APAF1: variants seen among roughly 807,000 people sequenced by gnomAD.
The protein encoded by APAF1 is apoptotic protease-activating factor 1.
APAF1 carries 91 observed loss-of-function variants against 152.4 expected under a neutral mutation model. The observed-to-expected ratio is 0.60, with a 90% confidence interval of 0.50 to 0.71. APAF1 has a LOEUF of 0.71. APAF1 is among the 30% of genes least tolerant of loss of function. APAF1 has a pLI of 0.00. For missense variants in APAF1, 1,283 were observed against 1,472.0 expected (o/e 0.87, Z 2.10); for synonymous variants, 484 against 494.1 (o/e 0.98, Z 0.27).
At chr12:98,680,483 A>G in intron 14 of APAF1, 81 bp downstream of exon 14, 1 of 1,391,510 alleles carries the variant, frequency 7.2e-7, no homozygotes, top group Admixed American at 1.8e-5. Context: ...CAGAGTAAGT[A>G]GAGTTAAAGG....
intron 12 of APAF1, 116 bp from the exon 13 acceptor site, chr12:98,677,308 AT>A (rs2097687649): frequency 9.3e-7 from 1 of 1,069,718 alleles, no homozygotes; most frequent in African/African-American, 1.6e-5. Flanking sequence ...GATTTTAAGA[AT>A]TTTGTATTTT....
At chr12:98,664,497 A>T (rs113100940) in intron 7 of APAF1, among the ~76,000 whole-genome samples, 1 of 151,960 alleles carries the variant, frequency 6.6e-6, no homozygotes, top group African/African-American at 2.4e-5. Context: ...TAGAACAAAG[A>T]TTTAAAAAGT....
rs530149610 is a variant in APAF1 at position 98,724,036 on chromosome 12, T to C, written c.3330+272T>C. ...TGCATATTGTAGGCAATAAAAATCA[T>C]TGAAAAGCATTTACATTTAATTATA... On this transcript the variant is annotated intron_variant, in intron 24 of 26. Coordinates refer to ENST00000551964, the MANE Select transcript of APAF1 (RefSeq NM_181861.2). Among the ~76,000 whole-genome samples, 6 of 152,360 alleles carry C rather than the reference T, an allele frequency of 3.9e-5. No individual in the cohort carries two copies. In the South Asian group the frequency reaches 1.2e-3, roughly 32 times the overall value.
chr12:98,717,111 G>A (rs945800278), intron 22 of APAF1, among the ~76,000 whole-genome samples: 2 of 151,498 alleles, frequency 1.3e-5, no homozygotes, highest in Admixed American at 6.6e-5. Flanking sequence ...CTTGTGATCC[G>A]CCCGCCTCGG....
intron 16 of APAF1, among the ~76,000 whole-genome samples, chr12:98,694,214 G>A (rs2097707385): frequency 6.6e-6 from 1 of 152,122 alleles, no homozygotes; most frequent in Non-Finnish European, 1.5e-5. Context: ...ATCAGTCTTG[G>A]CAAATAATTT....
rs745664662 is a variant in APAF1, at chr12:98,715,508, G to A, written c.3040G>A (p.Asp1014Asn). ...KTVWHIQFTA[D>N]EKTLISSSDD... ...TGTATGGCACATCCAGTTCACAGCCGATGAGAAGACTCTTATTTCAAGTTC... is the reference window on the plus strand; with the variant it reads ...TGTATGGCACATCCAGTTCACAGCCAATGAGAAGACTCTTATTTCAAGTTC... Residue 1014 changes from aspartate (D) to asparagine (N), a missense_variant, in exon 22 of 27, where the codon GAT becomes AAT. Asp to Asn is a conservative substitution (Grantham distance 23). Transcript: ENST00000551964. 1.2e-5 allele frequency: 19 copies of A among 1,613,448 alleles called. 1 individual carries two copies. The highest frequency in any genetic ancestry group is 1.6e-4 in the Middle Eastern group (1 of 6,082).
intron 4 of APAF1, among the ~76,000 whole-genome samples, chr12:98,653,633 G>A (rs1349584169): frequency 8.5e-5 from 10 of 117,030 alleles, no homozygotes; most frequent in African/African-American, 3.4e-4. Flanking sequence ...CTCCATCCTG[G>A]GTGACAGAGT....
At chr12:98,694,011 A>C (rs561958857) in intron 16 of APAF1, among the ~76,000 whole-genome samples, 1 of 152,300 alleles carries the variant, frequency 6.6e-6, no homozygotes, top group African/African-American at 2.4e-5. Flanking sequence ...AACAAGGCCA[A>C]CAAAAGCAAT....
chr12:98,652,199 C>T lies in APAF1; in HGVS notation c.526+2515C>T, dbSNP rs141494029. On this transcript the variant is annotated intron_variant, in intron 4 of 26. Transcript: ENST00000551964. The stretch of plus-strand genomic sequence containing the variant: ...AACTCCTGGGCTCAAGTGATGCTCC[C>T]GCCTTGGCCTCCCAAAGTGCTGGGG... 1.9e-3 allele frequency among the ~76,000 whole-genome samples: 288 copies of T among 152,220 alleles called. 1 individual carries two copies. The highest frequency in any genetic ancestry group is 6.5e-3 in the African/African-American group (272 of 41,534).
chr12:98,708,492 G>A, intron 19 of APAF1, 93 bp from the exon 20 acceptor site: 1 of 1,275,204 alleles, frequency 7.8e-7, no homozygotes, highest in African/African-American at 1.5e-5. Flanking sequence ...TAGCATCATA[G>A]GTATTTTATG....
At chr12:98,682,064 T>TG in intron 14 of APAF1, among the ~76,000 whole-genome samples, 1 of 149,894 alleles carries the variant, frequency 6.7e-6, no homozygotes, top group African/African-American at 2.4e-5. Context: ...TTTTTTTTTT[T>TG]TTTTTTTGAG....
At chr12:98,727,351 T>A in intron 26 of APAF1, 35 bp downstream of exon 26, 1 of 1,608,712 alleles carries the variant, frequency 6.2e-7, no homozygotes, top group Non-Finnish European at 8.5e-7. Flanking sequence ...AAGAAAATAA[T>A]AGCCTATATC....
chr12:98,698,905 G>A (rs1006862744), intron 16 of APAF1, among the ~76,000 whole-genome samples: 2 of 152,212 alleles, frequency 1.3e-5, no homozygotes, highest in Non-Finnish European at 2.9e-5. Flanking sequence ...GCCCTGCCAA[G>A]CACACAAAGA....
chr12:98,651,378 T>A (rs2097648749), intron 4 of APAF1, among the ~76,000 whole-genome samples: 1 of 152,258 alleles, frequency 6.6e-6, no homozygotes, highest in South Asian at 2.1e-4. Context: ...TGTATGTTGT[T>A]GGTATGCAGG....
At chr12:98,653,656 C>CAAA (rs61301412) in intron 4 of APAF1, among the ~76,000 whole-genome samples, 3 of 17,532 alleles carry the variant, frequency 1.7e-4, no homozygotes, top group African/African-American at 2.1e-4. Context: ...GATGCCGTCT[C>CAAA]AAAAAAAAAA....
At chr12:98,666,433 A>G in intron 9 of APAF1, 76 bp downstream of exon 9, 1 of 1,414,098 alleles carries the variant, frequency 7.1e-7, no homozygotes, top group Non-Finnish European at 9.8e-7. Flanking sequence ...AATTTACAAA[A>G]TAGTAGATAG....
chr12:98,656,380 G>A (rs1170027542), intron 4 of APAF1, among the ~76,000 whole-genome samples: 1 of 152,222 alleles, frequency 6.6e-6, no homozygotes, highest in Non-Finnish European at 1.5e-5. Flanking sequence ...AACTTACACT[G>A]AAGGAGGCCT....
At chr12:98,718,616 C>T (rs1001054543) in intron 22 of APAF1, among the ~76,000 whole-genome samples, 16 of 152,188 alleles carry the variant, frequency 1.1e-4, no homozygotes, top group Non-Finnish European at 1.9e-4. Context: ...CTCTGCAGCT[C>T]GTTCTCTTAT....
At chr12:98,714,474 TCTTGTTTTA>T (rs1460203138) in intron 21 of APAF1, among the ~76,000 whole-genome samples, 3 of 152,224 alleles carry the variant, frequency 2.0e-5, no homozygotes, top group Non-Finnish European at 2.9e-5. Flanking sequence ...ATGTTGTTAT[TCTTGTTTTA>T]AAGATGTCTA....
Sources: allele counts gnomAD v4.1 joint callset (sites outside exome capture counted in the v4.1 genomes callset), GRCh38; gene constraint gnomAD v4.1.1; transcripts MANE v1.5; gene names NCBI Gene and HGNC (gene_info 2026-07-23, HGNC 2026-07-21).